Variants in FGF12 observed in about 807,000 individuals in gnomAD.
FGF12 encodes the protein fibroblast growth factor 12B.
In FGF12, 14 loss-of-function variants were observed where a neutral mutation model predicts 23.6. The ratio of observed to expected loss-of-function variants is 0.59; its 90% confidence interval spans 0.39 to 0.93. The LOEUF (loss-of-function observed/expected upper bound fraction) is 0.93. Ranked by LOEUF, FGF12 falls within the 40% of genes least tolerant of loss-of-function variation. The pLI, the probability that FGF12 is intolerant of heterozygous loss-of-function variation, is 0.00. For synonymous variants in FGF12, 62 were observed against 77.3 expected (o/e 0.80, Z 1.04); for missense variants, 175 against 217.8 (o/e 0.80, Z 1.24).
At chr3:192,698,314 G>A (rs1307621101) in intron 2 of FGF12, among the ~76,000 whole-genome samples, 1 of 152,074 alleles carries the variant, frequency 6.6e-6, no homozygotes, top group Non-Finnish European at 1.5e-5. Context: ...AAAATGTATT[G>A]TTCTGGACTA....
intron 2 of FGF12, among the ~76,000 whole-genome samples, chr3:192,418,551 T>C (rs1400101010): frequency 6.6e-6 from 1 of 152,142 alleles, no homozygotes; most frequent in Non-Finnish European, 1.5e-5. Context: ...GACATTGATC[T>C]GGTTTGAATC....
At chr3:192,697,606 G>C (rs1167469608) in intron 2 of FGF12, among the ~76,000 whole-genome samples, 2 of 151,854 alleles carry the variant, frequency 1.3e-5, no homozygotes, top group Non-Finnish European at 2.9e-5. Flanking sequence ...GGACTGACTA[G>C]TCCCAGGAGT....
intron 2 of FGF12, among the ~76,000 whole-genome samples, chr3:192,605,029 T>C (rs1178318464): frequency 6.6e-6 from 1 of 152,058 alleles, no homozygotes; most frequent in African/African-American, 2.4e-5. Flanking sequence ...TCTTTCATGA[T>C]ATACAAAAAC....
At chr3:192,359,630 C>T (rs1297393985) in intron 3 of FGF12, among the ~76,000 whole-genome samples, 1 of 152,126 alleles carries the variant, frequency 6.6e-6, no homozygotes, top group Admixed American at 6.5e-5. Context: ...ATCAATCTTG[C>T]CTCTGGAGCT....
chr3:192,240,086 T>G (rs1475788198), intron 4 of FGF12, among the ~76,000 whole-genome samples: 2 of 152,220 alleles, frequency 1.3e-5, no homozygotes, highest in African/African-American at 4.8e-5. Flanking sequence ...TTTTCATAGA[T>G]GTTGTGCATG....
At chr3:192,567,776 T>G (rs1712390479) in intron 2 of FGF12, among the ~76,000 whole-genome samples, 1 of 136,008 alleles carries the variant, frequency 7.4e-6, no homozygotes, top group Non-Finnish European at 1.6e-5. Context: ...TTTCTTTCTT[T>G]CTTTCTTTCT....
At chr3:192,357,877 T>C (rs773261149) in intron 3 of FGF12, among the ~76,000 whole-genome samples, 28 of 152,196 alleles carry the variant, frequency 1.8e-4, no homozygotes, top group Non-Finnish European at 4.1e-4. Context: ...TCAACACCTA[T>C]AAGACAGATC....
rs972043339 is a variant in FGF12, at chr3:192,276,394, G to C, written c.228+58967C>G. ...CATCCAGCGCAAATCACAATGTTCTGAATGTGTTCTGACAAGGTTTTAGAG... is the reference window on the plus strand; with the variant it reads ...CATCCAGCGCAAATCACAATGTTCTCAATGTGTTCTGACAAGGTTTTAGAG... On this transcript the variant is annotated intron_variant, in intron 4 of 5. Coordinates refer to ENST00000445105, the MANE Select transcript of FGF12 (RefSeq NM_004113.6). 2.0e-5 allele frequency among the ~76,000 whole-genome samples: 3 copies of C among 152,236 alleles called. No individual in the cohort carries two copies. The East Asian group carries it at 5.8e-4, about 29-fold the overall frequency.
At position 192,314,397 on chromosome 3, in the gene FGF12, A is replaced by T. The variant is rs186105978; in HGVS notation, c.228+20964T>A. On this transcript the variant is annotated intron_variant, in intron 4 of 5. Transcript: ENST00000445105. ...TTTTATCCAAGGATTCATAAGTAAAATCTACTGGAACTTCTGGGAAGATGT... is the reference window on the plus strand; with the variant it reads ...TTTTATCCAAGGATTCATAAGTAAATTCTACTGGAACTTCTGGGAAGATGT... Among the ~76,000 whole-genome samples the T allele has an allele frequency of 3.6e-3, 554 of 152,260 alleles. 7 individuals carry two copies. Among genetic ancestry groups the T allele is most frequent in the African/African-American group, 0.013 (527 of 41,548 alleles).
At chr3:192,165,408 T>C (rs1021461687) in intron 5 of FGF12, among the ~76,000 whole-genome samples, 4 of 152,136 alleles carry the variant, frequency 2.6e-5, no homozygotes, top group Non-Finnish European at 5.9e-5. Context: ...CAGTTTTACA[T>C]GTAAATTCTA....
intron 2 of FGF12, among the ~76,000 whole-genome samples, chr3:192,447,838 C>G (rs1722404576): frequency 1.3e-5 from 2 of 152,082 alleles, no homozygotes; most frequent in Admixed American, 6.5e-5. Context: ...ACATAGCTAC[C>G]ACGCAGATCA....
At chr3:192,670,363 T>G (rs1374115945) in intron 2 of FGF12, among the ~76,000 whole-genome samples, 2 of 152,154 alleles carry the variant, frequency 1.3e-5, no homozygotes, top group African/African-American at 4.8e-5. Flanking sequence ...TAATTTTTAA[T>G]AAGGTAGGTA....
chr3:192,365,990 A>C lies in FGF12; in HGVS notation c.14-5452T>G, dbSNP rs1010402868. 1.5e-3 allele frequency among the ~76,000 whole-genome samples: 233 copies of C among 151,732 alleles called. 6 individuals are homozygous for C. In the East Asian group the frequency reaches 0.023, roughly 15 times the overall value. On this transcript the variant is annotated intron_variant, in intron 2 of 5. Coordinates refer to ENST00000445105, the MANE Select transcript of FGF12 (RefSeq NM_004113.6). ...AGCTTCAAAGGTAAAAAAAAAAAAA[A>C]AAAAACAACAACAAAAAACAAAACT... is the stretch of plus-strand genomic sequence containing the variant.
At chr3:192,655,753 T>A (rs917780820) in intron 2 of FGF12, among the ~76,000 whole-genome samples, 1 of 152,070 alleles carries the variant, frequency 6.6e-6, no homozygotes, top group Admixed American at 6.6e-5. Context: ...AAGAAGAAGA[T>A]GATTTTCCCT....
chr3:192,539,072 TATC>T (rs1339237972), intron 2 of FGF12, among the ~76,000 whole-genome samples: 1 of 152,192 alleles, frequency 6.6e-6, no homozygotes, highest in Non-Finnish European at 1.5e-5. Context: ...ATAACAAAAA[TATC>T]ATCTGCAAAC....
At chr3:192,507,132 T>G (rs560778296) in intron 2 of FGF12, among the ~76,000 whole-genome samples, 1 of 151,656 alleles carries the variant, frequency 6.6e-6, no homozygotes, top group South Asian at 2.1e-4. Flanking sequence ...GACCTCGTGA[T>G]CTGCCCGCCT....
chr3:192,559,418 G>A (rs1711920097), intron 2 of FGF12, among the ~76,000 whole-genome samples: 1 of 151,930 alleles, frequency 6.6e-6, no homozygotes, highest in Non-Finnish European at 1.5e-5. Context: ...GTAGGGATAG[G>A]GAGGGGTAAA....
At chr3:192,378,000 C>T (rs988903901) in intron 2 of FGF12, among the ~76,000 whole-genome samples, 6 of 136,292 alleles carry the variant, frequency 4.4e-5, no homozygotes, top group South Asian at 2.2e-4. Context: ...CAAAATTAGA[C>T]GAGATCCCTT....
chr3:192,321,080 A>G (rs1176517679), intron 4 of FGF12, among the ~76,000 whole-genome samples: 1 of 152,148 alleles, frequency 6.6e-6, no homozygotes, highest in Non-Finnish European at 1.5e-5. Flanking sequence ...TGAACAACAA[A>G]AGAGAGAAGA....
Sources: gnomAD v4.1 joint callset for allele counts (sites outside exome capture counted in the v4.1 genomes callset) on GRCh38, gnomAD v4.1.1 for gene constraint, MANE v1.5 for transcripts, NCBI Gene and HGNC (gene_info 2026-07-23, HGNC 2026-07-21) for gene names.